Variants in ATP13A5 observed in about 807,000 individuals in gnomAD.
The protein encoded by ATP13A5 is probable cation-transporting ATPase 13A5.
ATP13A5 carries 149 observed loss-of-function variants against 150.2 expected under a neutral mutation model. That is an observed-to-expected ratio of 0.99 (90% CI 0.87 to 1.14). The LOEUF (loss-of-function observed/expected upper bound fraction) is 1.14, where lower values mean the gene tolerates loss of function less well. Among genes scored for constraint, ATP13A5 ranks in the 50% most tolerant of loss-of-function variants. ATP13A5 has a pLI of 0.00. For synonymous variants in ATP13A5, 497 were observed against 522.2 expected (o/e 0.95, Z 0.66); for missense variants, 1,383 against 1,449.3 (o/e 0.95, Z 0.74).
intron 16 of ATP13A5, among the ~76,000 whole-genome samples, chr3:193,321,142 G>A (rs6777418): frequency 0.055 from 8,352 of 151,982 alleles, 629 homozygotes; most frequent in African/African-American, 0.17. Context: ...TTCACATCTC[G>A]TCTCCTTCCC....
At chr3:193,327,118 T>G in intron 12 of ATP13A5, 61 bp from the exon 13 acceptor site, 1 of 1,444,146 alleles carries the variant, frequency 6.9e-7, no homozygotes, top group Non-Finnish European at 9.4e-7. Context: ...ATATAGTAAT[T>G]TAAACAAAAC....
chr3:193,281,055 C>T (rs1041870281), intron 27 of ATP13A5: 7 of 254,430 alleles, frequency 2.8e-5, no homozygotes, highest in South Asian at 1.5e-4. Flanking sequence ...AAATGCAGCA[C>T]GTCTCAGAAG....
At chr3:193,328,204 G>A (rs905449553) in intron 12 of ATP13A5, among the ~76,000 whole-genome samples, 2 of 152,204 alleles carry the variant, frequency 1.3e-5, no homozygotes, top group Non-Finnish European at 2.9e-5. Context: ...ACTAGCAAAT[G>A]TTAAGTGAAT....
At chr3:193,305,336 A>C (rs955375556) in intron 23 of ATP13A5, among the ~76,000 whole-genome samples, 3 of 152,212 alleles carry the variant, frequency 2.0e-5, no homozygotes, top group Non-Finnish European at 4.4e-5. Context: ...AACTGTTTAC[A>C]TGATACCCAC....
At chr3:193,322,971 T>G (rs766143519) in intron 14 of ATP13A5, among the ~76,000 whole-genome samples, 8 of 152,188 alleles carry the variant, frequency 5.3e-5, no homozygotes, top group Non-Finnish European at 1.0e-4. Context: ...CACTAGTTCT[T>G]CATACTATAC....
In ATP13A5 at chr3:193,314,292, A is replaced by G. The variant is rs9861851; in HGVS notation, c.2159-99T>C. The G allele has an allele frequency of 0.014, 19,230 of 1,328,500 alleles. 1,739 individuals carry two copies. In the African/African-American group the frequency reaches 0.22, roughly 15 times the overall value. The allele number at this position is 1,328,500 out of a possible 1,614,324, so 82.3% of individuals were successfully genotyped here. A position where few individuals can be genotyped will look rare whatever the true frequency, so the allele number is the denominator to read the frequency against. On this transcript the variant is annotated intron_variant, in intron 18 of 29. Coordinates refer to ENST00000342358, the MANE Select transcript of ATP13A5 (RefSeq NM_198505.4). ...TCCACTCTGCTTGGTGTTCTTTGAGAGCATTTACCGCTTTCTGCCTTATTT... is the reference window on the plus strand; with the variant it reads ...TCCACTCTGCTTGGTGTTCTTTGAGGGCATTTACCGCTTTCTGCCTTATTT...
chr3:193,306,420 T>G (rs753575183), intron 22 of ATP13A5, among the ~76,000 whole-genome samples: 52 of 152,252 alleles, frequency 3.4e-4, no homozygotes, highest in Non-Finnish European at 4.0e-4. Flanking sequence ...AGGATACGTA[T>G]TCTAGATTTG....
chr3:193,343,401 T>C (rs1040460321), intron 9 of ATP13A5, among the ~76,000 whole-genome samples: 1 of 152,176 alleles, frequency 6.6e-6, no homozygotes, highest in Admixed American at 6.6e-5. Flanking sequence ...TCAACAGGAA[T>C]ATAAATCTAA....
In ATP13A5 at chr3:193,301,273, C is replaced by T; in HGVS notation, c.2713G>A (p.Val905Ile). Residue 905 changes from valine to isoleucine, a missense_variant, in exon 24 of 30, where the codon GTA (valine) becomes ATA (isoleucine). Transcript: ENST00000342358. ...CCGTACATGGTCAAGTATTTAAATACTCCAAAGGATGAAACCAGAGCAGCT... is the reference window on the plus strand; with the variant it reads ...CCGTACATGGTCAAGTATTTAAATATTCCAAAGGATGAAACCAGAGCAGCT... ...GRAALVSSFG[V>I]FKYLTMYGII... 6.2e-7 allele frequency: 1 copy of T among 1,613,418 alleles called. No individual in the cohort carries two copies. The highest frequency in any genetic ancestry group is 8.5e-7 in the Non-Finnish European group (1 of 1,179,606).
At chr3:193,346,347 G>C (rs1299930675) in intron 7 of ATP13A5, among the ~76,000 whole-genome samples, 4 of 152,136 alleles carry the variant, frequency 2.6e-5, no homozygotes, top group Non-Finnish European at 5.9e-5. Context: ...TGGAGAAGTG[G>C]AGAAAGCATC....
intron 23 of ATP13A5, among the ~76,000 whole-genome samples, chr3:193,304,296 G>T (rs1038159551): frequency 2.0e-5 from 3 of 152,094 alleles, no homozygotes; most frequent in African/African-American, 4.8e-5. Context: ...TGCTTTGGAG[G>T]CAGGGGAAGT....
chr3:193,367,973 GAGGGA>G (rs1434831856), intron 1 of ATP13A5, among the ~76,000 whole-genome samples: 1 of 144,864 alleles, frequency 6.9e-6, no homozygotes, highest in Non-Finnish European at 1.5e-5. Flanking sequence ...GAGAAAGAAA[GAGGGA>G]AGGGAAGGAA....
intron 21 of ATP13A5, among the ~76,000 whole-genome samples, chr3:193,308,506 G>C (rs74476733): frequency 1.3e-5 from 2 of 152,168 alleles, no homozygotes; most frequent in Non-Finnish European, 1.5e-5. Flanking sequence ...GGTTCAATCC[G>C]ATACTGGGCT....
At chr3:193,313,303 G>A (rs1169938095) in intron 19 of ATP13A5, 1 of 152,192 alleles carries the variant, frequency 6.6e-6, no homozygotes, top group Non-Finnish European at 1.5e-5. Flanking sequence ...CTGCACAAAG[G>A]CCCGCTCTAT....
chr3:193,307,724 G>C (rs1334662755), intron 21 of ATP13A5, among the ~76,000 whole-genome samples: 3 of 152,198 alleles, frequency 2.0e-5, no homozygotes, highest in South Asian at 2.1e-4. Context: ...ACCTAATGCA[G>C]AGATCATAAC....
intron 4 of ATP13A5, 23 bp from the exon 5 acceptor site, chr3:193,362,484 A>G: frequency 6.2e-7 from 1 of 1,613,576 alleles, no homozygotes; most frequent in Non-Finnish European, 8.5e-7. Context: ...CAGGATAGGA[A>G]CCACACTTCA....
In ATP13A5 at chr3:193,363,759, T is replaced by C. The variant is rs147327282; in HGVS notation, c.237+348A>G. On this transcript the variant is annotated intron_variant, in intron 2 of 29. Coordinates refer to ENST00000342358, the MANE Select transcript of ATP13A5 (RefSeq NM_198505.4). The stretch of plus-strand genomic sequence containing the variant: ...TGTGTAATATCCTCCAAAATACATA[T>C]TTTTGAAAAACTGAATGACCATTCC... Among the ~76,000 whole-genome samples, 889 of 152,320 alleles carry C rather than the reference T, an allele frequency of 5.8e-3. 13 individuals carry two copies. Among genetic ancestry groups the C allele is most frequent in the Middle Eastern group, 0.024 (7 of 294 alleles).
intron 20 of ATP13A5, 47 bp downstream of exon 20, chr3:193,311,769 C>A (rs767469655): frequency 6.2e-7 from 1 of 1,606,144 alleles, no homozygotes; most frequent in African/African-American, 1.3e-5. Flanking sequence ...CCTTTCGCCT[C>A]GCTGATTTGA....
Position 193,378,667 on chromosome 3 carries a change from T to C in ATP13A5, c.59A>G (p.Glu20Gly). 1 of 1,613,440 alleles carries C rather than the reference T, an allele frequency of 6.2e-7. No individual in the cohort carries two copies. The highest frequency in any genetic ancestry group is 1.1e-5 in the South Asian group (1 of 91,058). ...TAAAATAAAGGGAAGACTCACCAGT[T>C]CATCCTCCTCTCCCTGGTTGAGCAA... is the stretch of plus-strand genomic sequence containing the variant. The part of the protein sequence containing the change: ...RALLNQGEED[E>G]LEVFGYRDHN... The change falls in exon 1 of 30, where the codon GAA becomes GGA. Residue 20 changes from glutamate (E) to glycine (G), a missense_variant. Glu to Gly is a moderately conservative substitution (Grantham distance 98). Around this residue, in one of 3 missense-constraint regions of ATP13A5, gnomAD observed 787 missense variants for 771.9 expected, o/e 1.02. Transcript: ENST00000342358.
Sources: gnomAD v4.1 joint callset for allele counts (sites outside exome capture counted in the v4.1 genomes callset) on GRCh38, gnomAD v4.1.1 for gene constraint, gnomAD v4.1.1 regional missense constraint, MANE v1.5 for transcripts, NCBI Gene and HGNC (gene_info 2026-07-23, HGNC 2026-07-21) for gene names.